The following TENM3 variants were observed in gnomAD, a reference collection of about 807,000 sequenced individuals.
TENM3 encodes teneurin transmembrane protein 3.
A neutral mutation model predicts 255.1 loss-of-function variants in TENM3; 63 were observed. The observed-to-expected ratio is 0.25, with a 90% CI of 0.20 to 0.30. The LOEUF is 0.30. TENM3 is among the 10% of genes least tolerant of loss of function. The pLI, the probability that TENM3 is intolerant of heterozygous loss-of-function variation, is 1.00. For synonymous variants in TENM3, 1,306 were observed against 1,322.3 expected (o/e 0.99, Z 0.27); for missense variants, 2,929 against 3,461.1 (o/e 0.85, Z 3.86).
chr4:182,490,740 G>A (rs1236246990), intron 3 of TENM3, among the ~76,000 whole-genome samples: 1 of 32,082 alleles, frequency 3.1e-5, no homozygotes, highest in East Asian at 1.6e-3. Context: ...AAGGGACTTG[G>A]CAACCTTGGT....
intron 1 of TENM3, among the ~76,000 whole-genome samples, chr4:182,211,703 T>C (rs1340502987): frequency 1.3e-5 from 2 of 152,230 alleles, no homozygotes; most frequent in Admixed American, 1.3e-4. Flanking sequence ...CATGGAACTT[T>C]ATCATGATGA....
At chr4:181,826,779 G>A in the TENM3 span, among the ~76,000 whole-genome samples, 1 of 152,202 alleles carries the variant, frequency 6.6e-6, no homozygotes, top group Non-Finnish European at 1.5e-5. Flanking sequence ...TATGGGGTGA[G>A]ATCCCGGCAA....
the TENM3 span, among the ~76,000 whole-genome samples, chr4:181,757,672 A>G: frequency 2.0e-5 from 3 of 152,176 alleles, no homozygotes; most frequent in African/African-American, 4.8e-5. Flanking sequence ...TCTAGTTTGT[A>G]AAGGTAATGC....
the TENM3 span, among the ~76,000 whole-genome samples, chr4:181,889,457 T>A: frequency 6.6e-6 from 1 of 152,210 alleles, no homozygotes; most frequent in African/African-American, 2.4e-5. Context: ...TTTTTCTTTA[T>A]AAATTACCCA....
At chr4:181,513,209 G>T in the TENM3 span, among the ~76,000 whole-genome samples, 1 of 151,826 alleles carries the variant, frequency 6.6e-6, no homozygotes, top group African/African-American at 2.4e-5. Flanking sequence ...TAAACTCTGT[G>T]CTCTGTTTGG....
chr4:182,061,054 C>T, the TENM3 span, among the ~76,000 whole-genome samples: 14 of 152,140 alleles, frequency 9.2e-5, no homozygotes, highest in Non-Finnish European at 1.5e-4. Context: ...GTTGCACATA[C>T]GTGATTCAGT....
chr4:181,693,853 G>A, the TENM3 span, among the ~76,000 whole-genome samples: 24 of 152,266 alleles, frequency 1.6e-4, no homozygotes, highest in African/African-American at 5.3e-4. Context: ...TGATTGGCTG[G>A]TTAGGTCTTC....
chr4:182,560,096 A>T (rs13143165), intron 3 of TENM3, among the ~76,000 whole-genome samples: 17,458 of 147,098 alleles, frequency 0.12, 1,254 homozygotes, highest in East Asian at 0.21. Context: ...TTTTTTTTTT[A>T]AAAAAAGAGT....
At chr4:182,111,891 C>G in the TENM3 span, among the ~76,000 whole-genome samples, 2 of 152,174 alleles carry the variant, frequency 1.3e-5, no homozygotes, top group Non-Finnish European at 2.9e-5. Flanking sequence ...AAGACCCCAG[C>G]CCAGGCCACA....
chr4:181,490,720 TA>T, the TENM3 span, among the ~76,000 whole-genome samples: 9 of 152,204 alleles, frequency 5.9e-5, no homozygotes, highest in Non-Finnish European at 1.3e-4. Flanking sequence ...TGTCAGTGCT[TA>T]TAATTGTTAT....
chr4:182,596,444 T>C (rs1246068779), intron 3 of TENM3, among the ~76,000 whole-genome samples: 1 of 146,402 alleles, frequency 6.8e-6, no homozygotes, highest in Non-Finnish European at 1.6e-5. Flanking sequence ...AATAGAGCCA[T>C]GAAAAAGGGA....
chr4:181,501,407 C>T, the TENM3 span, among the ~76,000 whole-genome samples: 1 of 149,582 alleles, frequency 6.7e-6, no homozygotes, highest in Non-Finnish European at 1.5e-5. Context: ...AAGATGGAGT[C>T]TCGCACTGTC....
chr4:181,469,153 T>C, the TENM3 span, among the ~76,000 whole-genome samples: 1 of 152,208 alleles, frequency 6.6e-6, no homozygotes, highest in Admixed American at 6.5e-5. Flanking sequence ...TCTGGTTGTA[T>C]CATAAACTTT....
chr4:182,164,570 A>G (rs1751583493), intron 1 of TENM3, among the ~76,000 whole-genome samples: 1 of 152,164 alleles, frequency 6.6e-6, no homozygotes, highest in Non-Finnish European at 1.5e-5. Context: ...TAAGAACGCA[A>G]AGAGGATCCT....
At chr4:181,924,597 G>A in the TENM3 span, among the ~76,000 whole-genome samples, 1 of 152,136 alleles carries the variant, frequency 6.6e-6, no homozygotes, top group East Asian at 1.9e-4. Flanking sequence ...ATGCCTCAAG[G>A]CAAATTAGTA....
At chr4:182,685,753 ATT>A (rs1490502733) in intron 11 of TENM3, among the ~76,000 whole-genome samples, 1 of 152,052 alleles carries the variant, frequency 6.6e-6, no homozygotes, top group Non-Finnish European at 1.5e-5. Flanking sequence ...TGTCATTCAG[ATT>A]TGCTTCCTAC....
the TENM3 span, among the ~76,000 whole-genome samples, chr4:181,540,348 C>A: frequency 6.6e-6 from 1 of 152,116 alleles, no homozygotes; most frequent in Non-Finnish European, 1.5e-5. Context: ...GGAGAAACGA[C>A]AAACCCCTGG....
At chr4:182,057,691 G>C in the TENM3 span, among the ~76,000 whole-genome samples, 1 of 152,044 alleles carries the variant, frequency 6.6e-6, no homozygotes, top group Non-Finnish European at 1.5e-5. Context: ...GTGAGCTATA[G>C]CACTGGGCCC....
At chr4:182,627,495 A>G (rs1309526417) in intron 4 of TENM3, among the ~76,000 whole-genome samples, 1 of 152,150 alleles carries the variant, frequency 6.6e-6, no homozygotes, top group Non-Finnish European at 1.5e-5. Flanking sequence ...GTATTTAGCT[A>G]TGTCTTATCT....
Sources: gnomAD v4.1 joint callset for allele counts (sites outside exome capture counted in the v4.1 genomes callset) on GRCh38, gnomAD v4.1.1 for gene constraint, MANE v1.5 for transcripts, NCBI Gene and HGNC (gene_info 2026-07-23, HGNC 2026-07-21) for gene names.